The following ARID1B variants were observed in gnomAD, a reference collection of about 807,000 sequenced individuals.
ARID1B encodes the protein AT-rich interaction domain 1B, also known as AT-rich interactive domain-containing protein 1B.
Under a neutral mutation model 212.3 loss-of-function variants are expected in ARID1B, and 30 were observed. The ratio of observed to expected loss-of-function variants is 0.14; its 90% confidence interval spans 0.11 to 0.19. The LOEUF is 0.19. Among genes scored for constraint, ARID1B ranks in the 10% least tolerant of loss-of-function variants. ARID1B has a pLI of 1.00. For missense variants in ARID1B, 2,891 were observed against 3,204.0 expected (o/e 0.90, Z 2.36); for synonymous variants, 1,402 against 1,301.7 (o/e 1.08, Z -1.66).
At chr6:157,179,369 A>C (rs550780195) in intron 11 of ARID1B, among the ~76,000 whole-genome samples, 2 of 152,110 alleles carry the variant, frequency 1.3e-5, no homozygotes, top group African/African-American at 4.8e-5. Flanking sequence ...CTCTTTTCCT[A>C]GTCAAGTAGG....
chr6:157,188,332 G>C (rs1793125257), intron 13 of ARID1B, among the ~76,000 whole-genome samples: 1 of 152,186 alleles, frequency 6.6e-6, no homozygotes, highest in Non-Finnish European at 1.5e-5. Context: ...AGCTCTGTTG[G>C]CCAGCGTTCA....
chr6:156,975,475 A>C lies in ARID1B; in HGVS notation c.2247+39899A>C, dbSNP rs1777162245. ...TTAAAAGGTGTCTTTTGAAGCAAAA[A>C]AATACCTTTAATTTTGCTGAAGTCC... is the stretch of plus-strand genomic sequence containing the variant. On this transcript the variant is annotated intron_variant, in intron 4 of 19. Transcript: ENST00000636930. 2.0e-5 allele frequency among the ~76,000 whole-genome samples: 3 copies of C among 152,174 alleles called. 1 individual carries two copies. The South Asian group carries it at 6.2e-4, about 31-fold the overall frequency.
chr6:156,796,798 C>T (rs912638513), intron 1 of ARID1B, among the ~76,000 whole-genome samples: 13 of 152,166 alleles, frequency 8.5e-5, no homozygotes, highest in African/African-American at 2.9e-4. Context: ...CTGGGGGAAG[C>T]AGACAAGTGG....
chr6:157,206,230 A>T lies in ARID1B; in HGVS notation c.5458A>T (p.Ile1820Phe), dbSNP rs777781055. Reference sequence around the variant, plus strand: ...AAAATGCCTGATTGACATTTTTGGAATTCTTATGGAATATGAAGTGGGAGA... The same window carrying T: ...AAAATGCCTGATTGACATTTTTGGATTTCTTATGGAATATGAAGTGGGAGA... ...FRKCLIDIFG[I>F]LMEYEVGDPS... is the part of the protein sequence containing the mutation. The change falls in exon 20 of 20, where the codon ATT becomes TTT. Residue 1820 changes from isoleucine to phenylalanine, a missense_variant. By Grantham distance (21) the Ile-to-Phe change is conservative (BLOSUM62 0). This residue lies in a region of ARID1B where 332 missense variants were observed against 369.2 expected (regional missense o/e 0.90). Coordinates refer to ENST00000636930, the MANE Select transcript of ARID1B (RefSeq NM_001374828.1). The surrounding 1 kb of genome is among the most constrained non-coding windows in gnomAD (Gnocchi z 6.8). The T allele has an allele frequency of 6.2e-7, 1 of 1,614,142 alleles. No homozygotes were observed. The highest frequency in any genetic ancestry group is 1.1e-5 in the South Asian group (1 of 91,072).
At chr6:157,204,086 T>G (rs1794288965) in intron 19 of ARID1B, 90 bp downstream of exon 19, 1 of 1,526,236 alleles carries the variant, frequency 6.6e-7, no homozygotes, top group Non-Finnish European at 9.0e-7. Flanking sequence ...CCTGAGTTGA[T>G]GAGCACTGAC....
At chr6:156,964,918 T>C (rs577139788) in intron 4 of ARID1B, among the ~76,000 whole-genome samples, 1 of 152,336 alleles carries the variant, frequency 6.6e-6, no homozygotes, top group African/African-American at 2.4e-5. Context: ...TAAATTGTAA[T>C]GAGCACCAGA....
chr6:157,084,581 T>C (rs2128461517), intron 4 of ARID1B, 81 bp from the exon 5 acceptor site: 1 of 1,521,546 alleles, frequency 6.6e-7, no homozygotes, highest in Non-Finnish European at 8.9e-7. Context: ...GAAGGGGACG[T>C]CATTATGATT....
In ARID1B at chr6:157,201,144, G is replaced by C. The variant is rs2128374852; in HGVS notation, c.4919G>C (p.Ser1640Thr). 1.2e-6 allele frequency: 2 copies of C among 1,614,152 alleles called. No homozygotes were observed. Among genetic ancestry groups the C allele is most frequent in the Non-Finnish European group, 1.7e-6 (2 of 1,180,024 alleles). Residue 1640 changes from serine (S) to threonine (T), a missense_variant, in exon 18 of 20, where the codon AGC (serine) becomes ACC (threonine). Around this residue, in one of 7 missense-constraint regions of ARID1B, gnomAD observed 666 missense variants for 873.5 expected, o/e 0.76. Transcript: ENST00000636930. The surrounding 1 kb of genome is among the most constrained non-coding windows in gnomAD (Gnocchi z 5.2). ...NHESQWPSHVSQRQPYMSSSA... is the reference protein window; with the variant it reads ...NHESQWPSHVTQRQPYMSSSA... ...GAGAGCCAGTGGCCTTCTCACGTCA[G>C]CCAGCGTCAGCCTTATATGTCGTCC... is the stretch of plus-strand genomic sequence containing the variant.
chr6:156,966,381 CTTTTCTTTTTTT>C (rs1349175313), intron 4 of ARID1B, among the ~76,000 whole-genome samples: 12 of 89,442 alleles, frequency 1.3e-4, no homozygotes, highest in African/African-American at 4.2e-4. Context: ...CTTTTCTTTT[CTTTTCTTTTTTT>C]TTTTTTTTTT....
chr6:157,139,839 C>T (rs903779763), intron 7 of ARID1B, among the ~76,000 whole-genome samples: 12 of 151,592 alleles, frequency 7.9e-5, no homozygotes, highest in African/African-American at 2.9e-4. Flanking sequence ...TTTCCTGCAT[C>T]AGCCTCTGGG....
At chr6:157,062,849 G>A (rs1783437363) in intron 4 of ARID1B, among the ~76,000 whole-genome samples, 1 of 151,498 alleles carries the variant, frequency 6.6e-6, no homozygotes, top group East Asian at 1.9e-4. Flanking sequence ...GATTATAGGT[G>A]CGCACCAGCA....
chr6:157,167,413 T>C (rs1039111264), intron 9 of ARID1B: 3 of 409,338 alleles, frequency 7.3e-6, no homozygotes, highest in African/African-American at 4.1e-5. Flanking sequence ...GTATAACAAG[T>C]GGACATATTT....
At chr6:156,926,376 T>C (rs1273622987) in intron 3 of ARID1B, among the ~76,000 whole-genome samples, 1 of 152,170 alleles carries the variant, frequency 6.6e-6, no homozygotes, top group Non-Finnish European at 1.5e-5. Flanking sequence ...GTGGGGGCAT[T>C]ATGAAACAGA....
intron 3 of ARID1B, among the ~76,000 whole-genome samples, chr6:156,914,560 T>C (rs192175534): frequency 1.3e-5 from 2 of 152,356 alleles, no homozygotes; most frequent in Admixed American, 6.5e-5. Flanking sequence ...TGGCCCCTCT[T>C]TTTTTGTGGC....
rs753662365 is a variant in ARID1B at position 156,779,183 on chromosome 6, C to G, written c.1503C>G (p.Thr501=). The part of the protein sequence containing the change: ...QNQHPSGATP[T]LNQLLTSPSP... ...AGCACCCGTCGGGGGCCACCCCGACCCTCAATCAGCTGCTCACCTCGCCCA... is the reference window on the plus strand; with the variant it reads ...AGCACCCGTCGGGGGCCACCCCGACGCTCAATCAGCTGCTCACCTCGCCCA... Residue 501 remains threonine (T), a synonymous_variant, in exon 1 of 20, where the codon ACC becomes ACG. Transcript: ENST00000636930. 7.4e-7 allele frequency: 1 copy of G among 1,344,548 alleles called. No individual in the cohort carries two copies. Among genetic ancestry groups the G allele is most frequent in the Non-Finnish European group, 9.6e-7 (1 of 1,040,168 alleles). 83.3% of individuals were successfully genotyped at this position (1,344,548 alleles called of 1,614,324 possible). A position where few individuals can be genotyped will look rare whatever the true frequency, so the allele number is the denominator to read the frequency against.
Position 156,894,146 on chromosome 6 carries a change from G to A in ARID1B, c.1987-7230G>A, listed in dbSNP as rs942126146. Among the ~76,000 whole-genome samples, 3 of 152,012 alleles carry A rather than the reference G, an allele frequency of 2.0e-5. No homozygotes were observed. The South Asian group carries it at 6.2e-4, about 31-fold the overall frequency. ...CACAACATGGATGAACCTTGAATACGTTATGCTAACTCAGACACAAAATAA... is the reference window on the plus strand; with the variant it reads ...CACAACATGGATGAACCTTGAATACATTATGCTAACTCAGACACAAAATAA... On this transcript the variant is annotated intron_variant, in intron 2 of 19. Coordinates refer to ENST00000636930, the MANE Select transcript of ARID1B (RefSeq NM_001374828.1).
Position 157,190,317 on chromosome 6 carries a change from C to A in ARID1B, c.4231+107C>A. On this transcript the variant is annotated intron_variant, in intron 15 of 19. Transcript: ENST00000636930. The surrounding 1 kb of genome is among the most constrained non-coding windows in gnomAD (Gnocchi z 4.6). ...TCAGAACACCTCTGAGCCCATGCTG[C>A]ATCGGTGTGGGTCCCAGGTCCCCAT... The A allele has an allele frequency of 7.5e-7, 1 of 1,330,898 alleles. No homozygotes were observed. Among genetic ancestry groups the A allele is most frequent in the Non-Finnish European group, 1.0e-6 (1 of 996,088 alleles). The allele number at this position is 1,330,898 out of a possible 1,614,324, so 82.4% of individuals were successfully genotyped here. A position where few individuals can be genotyped will look rare whatever the true frequency, so the allele number is the denominator to read the frequency against.
intron 4 of ARID1B, among the ~76,000 whole-genome samples, chr6:156,952,463 GGGT>G (rs1467922683): frequency 6.6e-6 from 1 of 152,210 alleles, no homozygotes; most frequent in Non-Finnish European, 1.5e-5. Context: ...AGGCTAGCAG[GGGT>G]GGTGGGGACA....
chr6:156,827,754 CTTTTTTTTTTTTTT>C (rs532857305), intron 1 of ARID1B, among the ~76,000 whole-genome samples: 25 of 68,452 alleles, frequency 3.7e-4, no homozygotes, highest in South Asian at 2.4e-3. Context: ...CCTGGTAATT[CTTTTTTTTTTTTTT>C]TTTTTTTTTT....
Sources: gnomAD v4.1 joint callset for allele counts (sites outside exome capture counted in the v4.1 genomes callset) on GRCh38, gnomAD v4.1.1 for gene constraint, gnomAD v4.1.1 regional missense constraint, Gnocchi (gnomAD v3.1) non-coding constraint, MANE v1.5 for transcripts, NCBI Gene and HGNC (gene_info 2026-07-23, HGNC 2026-07-21) for gene names.